Variants in SLC38A9 observed in about 807,000 individuals in gnomAD.
The protein encoded by SLC38A9 is neutral amino acid transporter 9.
In SLC38A9, 48 loss-of-function variants were observed where a neutral mutation model predicts 62.3. The observed-to-expected ratio is 0.77, with a 90% confidence interval of 0.61 to 0.98. The LOEUF (loss-of-function observed/expected upper bound fraction) is 0.98, where lower values mean the gene tolerates loss of function less well. Ranked by LOEUF, SLC38A9 falls within the 50% of genes least tolerant of loss-of-function variation. The pLI, the probability that SLC38A9 is intolerant of heterozygous loss-of-function variation, is 0.00. For missense variants in SLC38A9, 541 were observed against 679.8 expected (o/e 0.80, Z 2.27); for synonymous variants, 204 against 227.7 (o/e 0.90, Z 0.94).
chr5:55,680,516 C>T (rs1752849335), intron 3 of SLC38A9, among the ~76,000 whole-genome samples: 1 of 152,222 alleles, frequency 6.6e-6, no homozygotes, highest in Non-Finnish European at 1.5e-5. Context: ...TTCTTCAGCT[C>T]TTCTGACATG....
chr5:55,690,233 A>C (rs12189074), intron 3 of SLC38A9, among the ~76,000 whole-genome samples: 91,131 of 151,906 alleles, frequency 0.6, 27,915 homozygotes, highest in South Asian at 0.7. Flanking sequence ...CTCAAGCAAT[A>C]CACCTCCCTC....
At chr5:55,659,216 C>T (rs989923406) in intron 8 of SLC38A9, among the ~76,000 whole-genome samples, 1 of 151,056 alleles carries the variant, frequency 6.6e-6, no homozygotes, top group African/African-American at 2.5e-5. Context: ...AGGATATCTA[C>T]AAGCACCGCT....
intron 2 of SLC38A9, among the ~76,000 whole-genome samples, chr5:55,702,333 C>T (rs1022396160): frequency 2.6e-5 from 4 of 151,762 alleles, no homozygotes; most frequent in African/African-American, 9.7e-5. Flanking sequence ...ATGATCATGG[C>T]TCACTGCAGC....
At chr5:55,706,915 T>C (rs886973394) in intron 2 of SLC38A9, among the ~76,000 whole-genome samples, 4 of 152,150 alleles carry the variant, frequency 2.6e-5, no homozygotes, top group Middle Eastern at 3.4e-3. Flanking sequence ...TCGTTGCTCC[T>C]GAGAATTTCA....
At chr5:55,677,818 C>CA (rs1241642270) in intron 3 of SLC38A9, among the ~76,000 whole-genome samples, 11 of 151,732 alleles carry the variant, frequency 7.2e-5, no homozygotes, top group Non-Finnish European at 1.5e-4. Context: ...TGTGAGCCAA[C>CA]ATGCCTGCCC....
intron 3 of SLC38A9, among the ~76,000 whole-genome samples, chr5:55,682,642 A>G (rs184220197): frequency 9.2e-5 from 14 of 152,274 alleles, no homozygotes; most frequent in Admixed American, 9.1e-4. Context: ...AGGCATCCTG[A>G]CATGCACTTG....
chr5:55,629,884 A>C (rs1405317821), intron 14 of SLC38A9, among the ~76,000 whole-genome samples: 1 of 152,220 alleles, frequency 6.6e-6, no homozygotes, highest in Non-Finnish European at 1.5e-5. Flanking sequence ...GTATTAATGA[A>C]AGTGGGTTTT....
intron 12 of SLC38A9, among the ~76,000 whole-genome samples, chr5:55,643,266 T>A (rs4242057): frequency 6.6e-6 from 1 of 151,890 alleles, no homozygotes; most frequent in South Asian, 2.1e-4. Flanking sequence ...AGTTCTAATT[T>A]TTCTTGTGAT....
chr5:55,676,764 A>G (rs1475517595), intron 3 of SLC38A9, among the ~76,000 whole-genome samples: 1 of 152,256 alleles, frequency 6.6e-6, no homozygotes, highest in Non-Finnish European at 1.5e-5. Context: ...CAGATATTAA[A>G]AACAAAAACA....
intron 6 of SLC38A9, 48 bp downstream of exon 6, chr5:55,669,509 A>C (rs1561377641): frequency 6.6e-7 from 1 of 1,506,528 alleles, no homozygotes; most frequent in East Asian, 2.3e-5. Flanking sequence ...CTTACAATAT[A>C]AAGAGAAAAA....
chr5:55,710,345 G>C (rs527704325), intron 2 of SLC38A9, among the ~76,000 whole-genome samples: 121 of 151,696 alleles, frequency 8.0e-4, no homozygotes, highest in African/African-American at 2.8e-3. Context: ...TGGGATTACA[G>C]ATGAGACGCA....
intron 12 of SLC38A9, among the ~76,000 whole-genome samples, chr5:55,637,451 T>C (rs1382057505): frequency 6.6e-6 from 1 of 152,232 alleles, no homozygotes; most frequent in African/African-American, 2.4e-5. Flanking sequence ...ACCATGTGCA[T>C]GATATAAAGA....
At chr5:55,694,480 G>A (rs1232773662) in intron 3 of SLC38A9, among the ~76,000 whole-genome samples, 1 of 112,800 alleles carries the variant, frequency 8.9e-6, no homozygotes. Context: ...ATGGCACTAA[G>A]GACAATTCTG....
At chr5:55,660,410 T>C (rs1363239720) in intron 8 of SLC38A9, among the ~76,000 whole-genome samples, 2 of 152,074 alleles carry the variant, frequency 1.3e-5, no homozygotes, top group African/African-American at 4.8e-5. Flanking sequence ...AGTGAAACTC[T>C]GTCTCAAAAA....
intron 10 of SLC38A9, among the ~76,000 whole-genome samples, chr5:55,650,596 T>A (rs143029569): frequency 6.6e-6 from 1 of 152,152 alleles, no homozygotes; most frequent in Non-Finnish European, 1.5e-5. Context: ...GTTTGGAGAT[T>A]AGCTGATTCA....
intron 3 of SLC38A9, among the ~76,000 whole-genome samples, chr5:55,680,906 G>A (rs1752910092): frequency 1.3e-5 from 2 of 152,186 alleles, no homozygotes; most frequent in South Asian, 4.1e-4. Context: ...ATCAATCCCA[G>A]AATAACAGAA....
intron 9 of SLC38A9, among the ~76,000 whole-genome samples, chr5:55,655,879 A>G (rs566702349): frequency 3.3e-5 from 5 of 152,294 alleles, no homozygotes; most frequent in East Asian, 1.9e-4. Context: ...GTTTATATTC[A>G]CTTTCCCTGT....
chr5:55,687,035 G>A (rs1172344903), intron 3 of SLC38A9, among the ~76,000 whole-genome samples: 3 of 145,340 alleles, frequency 2.1e-5, no homozygotes, highest in Non-Finnish European at 4.5e-5. Flanking sequence ...AATATAATTT[G>A]AAGTTGGATA....
chr5:55,708,479 T>A (rs1329737352), intron 2 of SLC38A9, among the ~76,000 whole-genome samples: 1 of 152,254 alleles, frequency 6.6e-6, no homozygotes. Flanking sequence ...GCCCTTTCCA[T>A]ACTAGGCTCA....
Sources: gnomAD v4.1 joint callset for allele counts (sites outside exome capture counted in the v4.1 genomes callset) on GRCh38, gnomAD v4.1.1 for gene constraint, MANE v1.5 for transcripts, NCBI Gene and HGNC (gene_info 2026-07-23, HGNC 2026-07-21) for gene names.